The following XPO7 variants were observed in gnomAD, a reference collection of about 807,000 sequenced individuals.
XPO7 encodes exportin 7, also known as exportin-7.
In XPO7, 21 loss-of-function variants were observed where a neutral mutation model predicts 144.3. That is an observed-to-expected ratio of 0.15 (90% CI 0.10 to 0.21). The LOEUF is 0.21. Among genes scored for constraint, XPO7 ranks in the 10% least tolerant of loss-of-function variants. The pLI is 1.00. For missense variants in XPO7, 808 were observed against 1,325.8 expected (o/e 0.61, Z 6.06); for synonymous variants, 580 against 499.6 (o/e 1.16, Z -2.15).
intron 24 of XPO7, 72 bp from the exon 25 acceptor site, chr8:22,002,040 C>G: frequency 6.6e-7 from 1 of 1,515,752 alleles, no homozygotes; most frequent in Non-Finnish European, 8.9e-7. Flanking sequence ...ATGGATCTCA[C>G]CCAAAGATAG....
chr8:21,999,741 G>T, intron 24 of XPO7, 67 bp downstream of exon 24: 1 of 1,593,696 alleles, frequency 6.3e-7, no homozygotes, highest in South Asian at 1.1e-5. Flanking sequence ...AACAGAAAGA[G>T]AGAATCTTGC....
chr8:21,989,135 G>T, intron 16 of XPO7, 52 bp downstream of exon 16: 1 of 1,520,502 alleles, frequency 6.6e-7, no homozygotes. Context: ...GCATGCCACA[G>T]TCTTAGAATC....
intron 5 of XPO7, 97 bp from the exon 6 acceptor site, chr8:21,974,573 C>A: frequency 4.0e-6 from 3 of 743,790 alleles, no homozygotes; most frequent in South Asian, 2.0e-5. Context: ...GTTTATGTTG[C>A]TCTTACTGGA....
Position 21,998,981 on chromosome 8 carries a change from C to T in XPO7, c.2429-110C>T, listed in dbSNP as rs1813044710. 6 of 1,465,248 alleles carry T rather than the reference C, an allele frequency of 4.1e-6. No homozygotes were observed. The African/African-American group carries it at 4.2e-5, about 10-fold the overall frequency. 90.8% of individuals were successfully genotyped at this position (1,465,248 alleles called of 1,614,324 possible). On this transcript the variant is annotated intron_variant, in intron 22 of 27. Coordinates refer to ENST00000252512, the MANE Select transcript of XPO7 (RefSeq NM_015024.5). The stretch of plus-strand genomic sequence containing the variant: ...TGCTAATACATGTGCATTAGAGTGC[C>T]ACCTGTCACCAGGGGCCTACTGGAA...
chr8:21,990,999 T>C (rs1812755374), intron 18 of XPO7, 80 bp downstream of exon 18: 7 of 1,301,408 alleles, frequency 5.4e-6, no homozygotes, highest in Non-Finnish European at 5.5e-6. Flanking sequence ...AAACTAGATG[T>C]TGGGGAGGCC....
chr8:21,925,132 C>G (rs957348162), intron 1 of XPO7, among the ~76,000 whole-genome samples: 1 of 152,128 alleles, frequency 6.6e-6, no homozygotes, highest in African/African-American at 2.4e-5. Context: ...ACATTCATTC[C>G]TAACATTTAT....
intron 2 of XPO7, among the ~76,000 whole-genome samples, chr8:21,968,561 T>TG (rs1005789710): frequency 9.2e-5 from 14 of 152,326 alleles, no homozygotes; most frequent in African/African-American, 3.4e-4. Flanking sequence ...CAGCTAGCTC[T>TG]GCCAGCTAAC....
intron 9 of XPO7, 104 bp from the exon 10 acceptor site, chr8:21,981,627 A>G: frequency 7.1e-7 from 1 of 1,413,266 alleles, no homozygotes. Flanking sequence ...CAGAAGTTAA[A>G]AAGTAGATTC....
chr8:21,969,707 G>A, intron 3 of XPO7, 131 bp downstream of exon 3: 1 of 954,630 alleles, frequency 1.0e-6, no homozygotes, highest in South Asian at 1.7e-5. Flanking sequence ...CTAGAATCCA[G>A]TTCGTTTCCA....
intron 25 of XPO7, among the ~76,000 whole-genome samples, chr8:22,002,737 A>C (rs1447698202): frequency 6.6e-6 from 1 of 152,204 alleles, no homozygotes; most frequent in African/African-American, 2.4e-5. Flanking sequence ...ACAGAAATAC[A>C]TGCTAGATGA....
intron 1 of XPO7, 80 bp from the exon 2 acceptor site, chr8:21,966,777 C>A: frequency 6.6e-7 from 1 of 1,510,296 alleles, no homozygotes; most frequent in African/African-American, 1.4e-5. Context: ...TATTATTTAT[C>A]TTTGTTTATT....
chr8:21,999,421 C>T, intron 23 of XPO7, 115 bp from the exon 24 acceptor site: 1 of 1,563,688 alleles, frequency 6.4e-7, no homozygotes, highest in Non-Finnish European at 8.7e-7. Flanking sequence ...TCCTTTTGCT[C>T]TAACTAAGTC....
At chr8:21,960,358 G>T (rs553568350) in intron 1 of XPO7, among the ~76,000 whole-genome samples, 2 of 152,166 alleles carry the variant, frequency 1.3e-5, no homozygotes, top group Non-Finnish European at 2.9e-5. Context: ...CCTCTGCACC[G>T]TTAGAGACTA....
At chr8:21,951,857 A>G (rs1214180208) in intron 1 of XPO7, among the ~76,000 whole-genome samples, 1 of 152,180 alleles carries the variant, frequency 6.6e-6, no homozygotes, top group Admixed American at 6.5e-5. Flanking sequence ...TACGAGTCTT[A>G]CAGCTGTCGA....
At chr8:21,976,301 C>A in intron 6 of XPO7, 55 bp from the exon 7 acceptor site, 1 of 1,579,400 alleles carries the variant, frequency 6.3e-7, no homozygotes, top group South Asian at 1.2e-5. Flanking sequence ...AGTCTGGGAG[C>A]AAGCTGGGAA....
intron 21 of XPO7, among the ~76,000 whole-genome samples, chr8:21,998,244 A>C (rs1006838742): frequency 1.3e-5 from 2 of 152,208 alleles, no homozygotes; most frequent in African/African-American, 4.8e-5. Context: ...GATCGAGACC[A>C]TCCTGGCTAA....
chr8:21,923,268 T>C (rs1027146361), intron 1 of XPO7, among the ~76,000 whole-genome samples: 5 of 152,164 alleles, frequency 3.3e-5, no homozygotes, highest in Admixed American at 2.0e-4. Context: ...TGCTGAAATA[T>C]CCAATTCTGA....
chr8:21,987,243 C>G lies in XPO7; in HGVS notation c.1680C>G (p.Ile560Met). Residue 560 changes from isoleucine to methionine, a missense_variant, in exon 14 of 28, where the codon ATC becomes ATG. By Grantham distance (10) the Ile-to-Met change is conservative (BLOSUM62 1). This residue lies in a region of XPO7 where 416 missense variants were observed against 612.5 expected (regional missense o/e 0.68). Transcript: ENST00000252512. ...GCTTTTTTGAACAGTTTCGTAAGAT[C>G]TACATTGGGGACCAAGTGCAGAAAT... ...MLSFFEQFRKIYIGDQVQKSS... is the reference protein window; with the variant it reads ...MLSFFEQFRKMYIGDQVQKSS... The G allele has an allele frequency of 1.9e-6, 3 of 1,614,014 alleles. No individual in the cohort carries two copies. The highest frequency in any genetic ancestry group is 2.5e-6 in the Non-Finnish European group (3 of 1,179,890).
Position 21,925,254 on chromosome 8 carries a change from G to C in XPO7, c.18+5466G>C, listed in dbSNP as rs543881301. On this transcript the variant is annotated intron_variant, in intron 1 of 27. Coordinates refer to ENST00000252512, the MANE Select transcript of XPO7 (RefSeq NM_015024.5). Reference sequence around the variant, plus strand: ...AAAAACCTAGATCCTAAGTATTTCTGATATTTGCTTCAATGGCTGTTCACC... The same window carrying C: ...AAAAACCTAGATCCTAAGTATTTCTCATATTTGCTTCAATGGCTGTTCACC... Among the ~76,000 whole-genome samples the C allele has an allele frequency of 2.0e-5, 3 of 152,268 alleles. No homozygotes were observed. In the South Asian group the frequency reaches 6.2e-4, roughly 32 times the overall value.
Sources: allele counts gnomAD v4.1 joint callset (sites outside exome capture counted in the v4.1 genomes callset), GRCh38; gene constraint gnomAD v4.1.1; regional missense constraint gnomAD v4.1.1; transcripts MANE v1.5; gene names NCBI Gene and HGNC (gene_info 2026-07-23, HGNC 2026-07-21).